Variants in CDH12 observed in about 807,000 individuals in gnomAD.
CDH12 encodes the protein cadherin-12.
Under a neutral mutation model 74.1 loss-of-function variants are expected in CDH12, and 41 were observed. The observed-to-expected ratio is 0.55, with a 90% CI of 0.43 to 0.72. CDH12 has a LOEUF of 0.72. Among genes scored for constraint, CDH12 ranks in the 30% least tolerant of loss-of-function variants. The pLI is 0.00. For missense variants in CDH12, 945 were observed against 977.2 expected (o/e 0.97, Z 0.44); for synonymous variants, 399 against 355.0 (o/e 1.12, Z -1.39).
chr5:22,125,609 C>T (rs1295991713), intron 4 of CDH12, among the ~76,000 whole-genome samples: 1 of 152,120 alleles, frequency 6.6e-6, no homozygotes, highest in Non-Finnish European at 1.5e-5. Context: ...GAGTCAATGG[C>T]TCATCTTAGA....
chr5:21,924,177 T>C (rs1379270198), intron 6 of CDH12, among the ~76,000 whole-genome samples: 1 of 152,144 alleles, frequency 6.6e-6, no homozygotes, highest in African/African-American at 2.4e-5. Context: ...CCCTGTTGAA[T>C]TGTGAGAGAA....
chr5:22,467,299 C>T (rs1037722809), intron 2 of CDH12, among the ~76,000 whole-genome samples: 2 of 152,148 alleles, frequency 1.3e-5, no homozygotes, highest in African/African-American at 2.4e-5. Flanking sequence ...ACATCAGGTG[C>T]CTGGCATGTG....
At position 22,302,488 on chromosome 5, in the gene CDH12, A is replaced by T. The variant is rs182841250; in HGVS notation, c.-332-89845T>A. On this transcript the variant is annotated intron_variant, in intron 3 of 14. Coordinates refer to ENST00000382254, the MANE Select transcript of CDH12 (RefSeq NM_004061.5). ...AAGTGGGTATTGAATTCCGCCTTGG[A>T]TAGGTTGAATTTAAACCGCTTGCAG... Among the ~76,000 whole-genome samples, 238 of 152,274 alleles carry T rather than the reference A, an allele frequency of 1.6e-3. 4 individuals carry two copies. The highest frequency in any genetic ancestry group is 5.6e-3 in the African/African-American group (233 of 41,562).
chr5:21,769,600 A>G (rs1414305189), intron 11 of CDH12, among the ~76,000 whole-genome samples: 1 of 152,162 alleles, frequency 6.6e-6, no homozygotes, highest in African/African-American at 2.4e-5. Context: ...TAGGTGTGAC[A>G]TAATTAGAAT....
At chr5:22,498,676 A>G (rs1747204470) in intron 2 of CDH12, among the ~76,000 whole-genome samples, 2 of 151,976 alleles carry the variant, frequency 1.3e-5, no homozygotes, top group African/African-American at 4.8e-5. Context: ...TCTCAAATCT[A>G]GTCTGCCAAT....
At chr5:22,181,110 C>A (rs546015023) in intron 4 of CDH12, among the ~76,000 whole-genome samples, 2 of 152,076 alleles carry the variant, frequency 1.3e-5, no homozygotes, top group Non-Finnish European at 2.9e-5. Flanking sequence ...TATCAAGAAG[C>A]GTTGTATACC....
chr5:22,843,835 A>G (rs1345685420), intron 1 of CDH12, among the ~76,000 whole-genome samples: 1 of 152,116 alleles, frequency 6.6e-6, no homozygotes, highest in Admixed American at 6.6e-5. Flanking sequence ...TCATGTTGGC[A>G]CTGTAAAGCA....
At chr5:22,192,698 G>C (rs900550461) in intron 4 of CDH12, among the ~76,000 whole-genome samples, 1 of 152,152 alleles carries the variant, frequency 6.6e-6, no homozygotes, top group African/African-American at 2.4e-5. Context: ...AAGCTGGGGG[G>C]ATGTCAGAGT....
chr5:22,324,936 G>T (rs1739023925), intron 3 of CDH12, among the ~76,000 whole-genome samples: 1 of 152,136 alleles, frequency 6.6e-6, no homozygotes, highest in African/African-American at 2.4e-5. Flanking sequence ...AGCATGATGG[G>T]ATGATCATTA....
intron 2 of CDH12, among the ~76,000 whole-genome samples, chr5:22,473,633 C>A (rs984836448): frequency 6.6e-5 from 10 of 152,130 alleles, no homozygotes; most frequent in African/African-American, 2.4e-4. Flanking sequence ...AAAATTTGAA[C>A]AAAACTTTAA....
At chr5:22,613,871 T>TA (rs936360871) in intron 1 of CDH12, among the ~76,000 whole-genome samples, 3 of 152,068 alleles carry the variant, frequency 2.0e-5, no homozygotes, top group Non-Finnish European at 2.9e-5. Flanking sequence ...AGATTGTAGC[T>TA]AAAAAAATGT....
At chr5:21,754,901 A>T (rs1744299696) in intron 14 of CDH12, among the ~76,000 whole-genome samples, 1 of 152,188 alleles carries the variant, frequency 6.6e-6, no homozygotes, top group African/African-American at 2.4e-5. Flanking sequence ...ACTTCCTAAT[A>T]GGTTTATATT....
intron 3 of CDH12, among the ~76,000 whole-genome samples, chr5:22,342,998 G>A (rs946633167): frequency 2.0e-5 from 3 of 151,896 alleles, no homozygotes; most frequent in Non-Finnish European, 4.4e-5. Flanking sequence ...GGGATTACAG[G>A]AGCCAACCAT....
chr5:22,235,076 T>C (rs1259434647), intron 3 of CDH12, among the ~76,000 whole-genome samples: 2 of 152,146 alleles, frequency 1.3e-5, no homozygotes, highest in Admixed American at 6.6e-5. Context: ...ATCTTATTAT[T>C]TACACATACT....
chr5:22,836,260 G>C (rs1365354638), intron 1 of CDH12, among the ~76,000 whole-genome samples: 1 of 97,200 alleles, frequency 1.0e-5, no homozygotes, highest in Non-Finnish European at 1.9e-5. Flanking sequence ...GTCTCGCTCT[G>C]TTGTCCAGGC....
At chr5:22,619,476 C>A (rs190099295) in intron 1 of CDH12, among the ~76,000 whole-genome samples, 1 of 152,160 alleles carries the variant, frequency 6.6e-6, no homozygotes, top group East Asian at 1.9e-4. Flanking sequence ...ATTCTGAATA[C>A]ATATTTCTGG....
chr5:22,260,417 A>T (rs2150393309), intron 3 of CDH12, among the ~76,000 whole-genome samples: 1 of 152,194 alleles, frequency 6.6e-6, no homozygotes, highest in East Asian at 1.9e-4. Context: ...TTAATAAAGT[A>T]ACTTCAGTGA....
At chr5:21,785,545 G>C (rs1746152184) in intron 10 of CDH12, among the ~76,000 whole-genome samples, 1 of 152,192 alleles carries the variant, frequency 6.6e-6, no homozygotes, top group Admixed American at 6.6e-5. Flanking sequence ...AGACAGGAAT[G>C]ATTAAAAAGC....
At chr5:22,244,768 GAA>G (rs200780000) in intron 3 of CDH12, among the ~76,000 whole-genome samples, 7 of 122,242 alleles carry the variant, frequency 5.7e-5, no homozygotes, top group South Asian at 3.0e-4. Context: ...AAGAAAGAAA[GAA>G]AGAAAGAAAG....
Sources: gnomAD v4.1 joint callset for allele counts (sites outside exome capture counted in the v4.1 genomes callset) on GRCh38, gnomAD v4.1.1 for gene constraint, MANE v1.5 for transcripts, NCBI Gene and HGNC (gene_info 2026-07-23, HGNC 2026-07-21) for gene names.